CUL4B: variants seen among roughly 807,000 people sequenced by gnomAD.
CUL4B encodes cullin-4B.
CUL4B carries 1 observed loss-of-function variant against 69.2 expected under a neutral mutation model. The observed-to-expected ratio is 0.01, with a 90% CI of 0.01 to 0.07. CUL4B has a LOEUF of 0.07. Among genes scored for constraint, CUL4B ranks in the 10% least tolerant of loss-of-function variants. The pLI is 1.00. For missense variants in CUL4B, 328 were observed against 638.8 expected (o/e 0.51, Z 5.24); for synonymous variants, 237 against 223.2 (o/e 1.06, Z -0.55).
intron 2 of CUL4B, among the ~76,000 whole-genome samples, chrX:120,552,360 C>A (rs1438489002): frequency 2.7e-5 from 3 of 112,667 alleles, no homozygotes; most frequent in African/African-American, 9.7e-5. Context: ...GTTGGCCAAG[C>A]TGGTCTTGAA....
At chrX:120,540,039 G>GT (rs796508522) in intron 11 of CUL4B, among the ~76,000 whole-genome samples, 1 of 111,829 alleles carries the variant, frequency 8.9e-6, no homozygotes, top group Admixed American at 9.5e-5. Context: ...ACTGACAACT[G>GT]TAATTTCATG....
At chrX:120,548,458 T>G (rs991493140) in intron 2 of CUL4B, among the ~76,000 whole-genome samples, 8 of 111,920 alleles carry the variant, frequency 7.1e-5, no homozygotes, top group African/African-American at 2.6e-4. Context: ...CAGAAATTAT[T>G]GCTAGTAGTA....
In CUL4B at chrX:120,556,141, T is replaced by C. The variant is rs1218670174; in HGVS notation, c.672+1783A>G. 8.1e-5 allele frequency among the ~76,000 whole-genome samples: 9 copies of C among 111,021 alleles called. No individual in the cohort carries two copies. In the East Asian group the frequency reaches 2.5e-3, roughly 31 times the overall value. The stretch of plus-strand genomic sequence containing the variant: ...TTTCATATTTTGGCTTTTATTGTTG[T>C]ACATTTTAAGAGACGCATATATAAT... On this transcript the variant is annotated intron_variant, in intron 2 of 19. Transcript: ENST00000371322.
At chrX:120,534,971 T>C (rs1405749338) in intron 16 of CUL4B, among the ~76,000 whole-genome samples, 2 of 112,180 alleles carry the variant, frequency 1.8e-5, no homozygotes, top group African/African-American at 3.2e-5. Flanking sequence ...GATTAGATAT[T>C]GCACACTGTT....
In CUL4B at chrX:120,559,782, C is replaced by T. The variant is rs113213082; in HGVS notation, c.556+301G>A. 15,672 of 1,072,741 alleles carry T rather than the reference C, an allele frequency of 0.015. 1,158 individuals carry two copies. The African/African-American group carries it at 0.23, about 16-fold the overall frequency. 88.4% of individuals were successfully genotyped at this position (1,072,741 alleles called of 1,213,427 possible). A position where few individuals can be genotyped will look rare whatever the true frequency, so the allele number is the denominator to read the frequency against. On this transcript the variant is annotated intron_variant, in intron 1 of 19. Coordinates refer to ENST00000371322, the MANE Select transcript of CUL4B (RefSeq NM_001079872.2). ...CTTTAGAATACAAATTTCTCACCTGCAAAATCCGGATCAATCATACCGATT... is the reference window on the plus strand; with the variant it reads ...CTTTAGAATACAAATTTCTCACCTGTAAAATCCGGATCAATCATACCGATT...
intron 18 of CUL4B, among the ~76,000 whole-genome samples, chrX:120,531,461 GT>G (rs1157112180): frequency 2.9e-5 from 3 of 102,468 alleles, no homozygotes; most frequent in Admixed American, 1.1e-4. Flanking sequence ...CCCTGTTTTT[GT>G]TTTTTTTTTC....
At chrX:120,560,993 CTCTCCCT>C, upstream of CUL4B, 1 of 961,917 alleles carries the variant, frequency 1.0e-6, no homozygotes, top group South Asian at 3.1e-5. Context: ...CCTTTTCTCC[CTCTCCCT>C]GGGAGGGGAG....
At chrX:120,540,659 C>A (rs1407165347) in intron 10 of CUL4B, 97 bp from the exon 11 acceptor site, 1 of 628,389 alleles carries the variant, frequency 1.6e-6, no homozygotes, top group Admixed American at 3.6e-5. Flanking sequence ...ATTTAAAGAT[C>A]TTTAAAAAGT....
chrX:120,543,097 T>TC, intron 8 of CUL4B, 64 bp from the exon 9 acceptor site: 3 of 706,185 alleles, frequency 4.2e-6, no homozygotes, highest in Non-Finnish European at 6.6e-6. Context: ...GTAAAGCCTC[T>TC]CCTGAGGGGG....
intron 1 of CUL4B, 127 bp from the exon 2 acceptor site, chrX:120,558,166 A>G (rs1322031281): frequency 2.1e-6 from 1 of 465,313 alleles, no homozygotes; most frequent in African/African-American, 2.4e-5. Context: ...ACACCTAATC[A>G]TTAAAGTAAC....
chrX:120,574,661 C>T (rs1268726868), intron 1 of CUL4B: 2 of 1,007,580 alleles, frequency 2.0e-6, no homozygotes, highest in Non-Finnish European at 2.8e-6. Flanking sequence ...TTCACTTTTC[C>T]AGCAGTCCTC....
chrX:120,570,758 A>G (rs897115886), downstream of CUL4B, among the ~76,000 whole-genome samples: 4 of 112,718 alleles, frequency 3.5e-5, no homozygotes, highest in Non-Finnish European at 7.5e-5. Flanking sequence ...AATAAATTAC[A>G]GCCATGTGCA....
chrX:120,530,635 C>T (rs1201196981), intron 18 of CUL4B, among the ~76,000 whole-genome samples: 2 of 112,173 alleles, frequency 1.8e-5, no homozygotes, highest in Non-Finnish European at 1.9e-5. Flanking sequence ...ATGACAATAG[C>T]TTGTCTATAA....
rs757896094 is a variant in CUL4B at position 120,574,598 on chromosome X, C to A, written c.20G>T (p.Gly7Val). 3.3e-6 allele frequency: 4 copies of A among 1,205,719 alleles called. No homozygotes were observed. Among genetic ancestry groups the A allele is most frequent in the Middle Eastern group, 2.3e-4 (1 of 4,364 alleles). The stretch of plus-strand genomic sequence containing the variant: ...CTCATCATCATTCCCATCTCCTGAT[C>A]CAGATGACTGTGACATCATCCGTCC... Residue 7 changes from glycine to valine, a missense_variant, in exon 2 of 3, where the codon GGA becomes GTA. Physicochemically the swap from Gly to Val is moderately radical, Grantham distance 109 (BLOSUM62 -3). Coordinates refer to the CUL4B transcript ENST00000486604.
At chrX:120,550,953 C>T (rs774247754) in intron 2 of CUL4B, among the ~76,000 whole-genome samples, 3 of 111,031 alleles carry the variant, frequency 2.7e-5, no homozygotes, top group Non-Finnish European at 5.7e-5. Flanking sequence ...TGGAAAGATA[C>T]CCAAAAAACT....
chrX:120,545,534 A>C lies in CUL4B; in HGVS notation c.847-17T>G. On this transcript the variant is annotated splice_polypyrimidine_tract_variant and intron_variant, in intron 4 of 19. Transcript: ENST00000371322. The stretch of plus-strand genomic sequence containing the variant: ...GATCATGATCTGCCAATGAAAAAAA[A>C]AGAAATCAAACAAGTTTTGTATGTT... 1 of 1,105,019 alleles carries C rather than the reference A, an allele frequency of 9.0e-7. No homozygotes were observed. Among genetic ancestry groups the C allele is most frequent in the Non-Finnish European group, 1.2e-6 (1 of 811,609 alleles). 91.1% of individuals were successfully genotyped at this position (1,105,019 alleles called of 1,213,427 possible).
chrX:120,561,329 C>G (rs759113058), upstream of CUL4B: 4 of 562,492 alleles, frequency 7.1e-6, no homozygotes, highest in Admixed American at 9.0e-5. Context: ...CCCACTCCCT[C>G]CTTAACGGTC....
chrX:120,569,874 A>T (rs761218654), downstream of CUL4B, among the ~76,000 whole-genome samples: 1 of 111,242 alleles, frequency 9.0e-6, no homozygotes, highest in East Asian at 2.8e-4. Flanking sequence ...AGCCAGGCAA[A>T]GGGAGTGAAA....
rs1412023297 is a variant in CUL4B, at chrX:120,543,569, A to C, written c.1256+158T>G. 2.7e-5 allele frequency among the ~76,000 whole-genome samples: 3 copies of C among 111,090 alleles called. No homozygotes were observed. The Admixed American group carries it at 2.9e-4, about 11-fold the overall frequency. On this transcript the variant is annotated intron_variant, in intron 8 of 19. Transcript: ENST00000371322. ...CGAATCCTTGGATGAAAACTAATTA[A>C]CTAGGGAAAAGAATAACTTGAAGTT...
Sources: gnomAD v4.1 joint callset for allele counts (sites outside exome capture counted in the v4.1 genomes callset) on GRCh38, gnomAD v4.1.1 for gene constraint, MANE v1.5 for transcripts, NCBI Gene and HGNC (gene_info 2026-07-23, HGNC 2026-07-21) for gene names.